Variants in SLC25A24 observed in about 807,000 individuals in gnomAD.
SLC25A24 encodes mitochondrial adenyl nucleotide antiporter SLC25A24.
Under a neutral mutation model 60.7 loss-of-function variants are expected in SLC25A24, and 49 were observed. The observed-to-expected ratio is 0.81, with a 90% confidence interval of 0.64 to 1.02. SLC25A24 has a LOEUF of 1.02. Ranked by LOEUF, SLC25A24 falls within the 50% of genes least tolerant of loss-of-function variation. The pLI, the probability that SLC25A24 is intolerant of heterozygous loss-of-function variation, is 0.00. For synonymous variants in SLC25A24, 202 were observed against 200.6 expected, an observed-to-expected ratio of 1.01 and a Z score of -0.06; for missense variants, 564 against 586.3, an observed-to-expected ratio of 0.96 and a Z score of 0.39.
Position 108,181,793 on chromosome 1 carries a change from A to C in SLC25A24, c.398+148T>G, listed in dbSNP as rs1571305466. The stretch of plus-strand genomic sequence containing the variant: ...ACACTTTAGATAAATGTACACATAC[A>C]AAATGAATGGGAGGAAAAAAGACAA... On this transcript the variant is annotated intron_variant, in intron 3 of 9. Coordinates refer to ENST00000565488, the MANE Select transcript of SLC25A24 (RefSeq NM_013386.5). 4.6e-6 allele frequency: 3 copies of C among 653,602 alleles called. No homozygotes were observed. The East Asian group carries it at 8.2e-5, about 18-fold the overall frequency. The allele number at this position is 653,602 out of a possible 1,614,324, so 40.5% of individuals were successfully genotyped here. A position where few individuals can be genotyped will look rare whatever the true frequency, so the allele number is the denominator to read the frequency against.
chr1:108,163,713 T>G (rs1095992), intron 3 of SLC25A24, among the ~76,000 whole-genome samples: 113,639 of 147,888 alleles, frequency 0.77, 44,106 homozygotes, highest in African/African-American at 0.88. Flanking sequence ...GGGTTTTCTA[T>G]ATATACAATC....
At chr1:108,160,248 G>C (rs1680029326) in intron 4 of SLC25A24, among the ~76,000 whole-genome samples, 1 of 148,970 alleles carries the variant, frequency 6.7e-6, no homozygotes, top group Non-Finnish European at 1.5e-5. Context: ...GGGGCGGCGG[G>C]GCAGAGGCGC....
At chr1:108,180,031 C>G (rs1647856604) in intron 3 of SLC25A24, among the ~76,000 whole-genome samples, 1 of 152,022 alleles carries the variant, frequency 6.6e-6, no homozygotes, top group African/African-American at 2.4e-5. Flanking sequence ...GAATTGTATA[C>G]TTTAGAAAAG....
intron 1 of SLC25A24, among the ~76,000 whole-genome samples, chr1:108,193,917 G>T (rs1648419825): frequency 7.2e-6 from 1 of 138,888 alleles, no homozygotes. Flanking sequence ...GAACCACAGA[G>T]GGCCCTGGCT....
intron 3 of SLC25A24, among the ~76,000 whole-genome samples, chr1:108,178,819 A>G (rs1647807908): frequency 6.6e-6 from 1 of 152,178 alleles, no homozygotes; most frequent in African/African-American, 2.4e-5. Context: ...TCTCAAAAAA[A>G]AAAACAACAA....
chr1:108,177,319 CA>C (rs201077581), intron 3 of SLC25A24, among the ~76,000 whole-genome samples: 3 of 149,878 alleles, frequency 2.0e-5, no homozygotes, highest in African/African-American at 7.4e-5. Flanking sequence ...CACTTAACCA[CA>C]AAAAAAAGAC....
At chr1:108,169,308 A>G (rs1647360148) in intron 3 of SLC25A24, among the ~76,000 whole-genome samples, 1 of 152,108 alleles carries the variant, frequency 6.6e-6, no homozygotes, top group African/African-American at 2.4e-5. Flanking sequence ...TCTTTGATAT[A>G]AATTTGAGAC....
rs151302681 is a variant in SLC25A24, at chr1:108,179,425, T to C, written c.398+2516A>G. The stretch of plus-strand genomic sequence containing the variant: ...GTATACATATATATATACACATATA[T>C]AAAATGAAATCAATATGTCAAAGAG... On this transcript the variant is annotated intron_variant, in intron 3 of 9. Coordinates refer to ENST00000565488, the MANE Select transcript of SLC25A24 (RefSeq NM_013386.5). Among the ~76,000 whole-genome samples, 100 of 152,226 alleles carry C rather than the reference T, an allele frequency of 6.6e-4. 1 individual carries two copies. The East Asian group carries it at 0.019, about 28-fold the overall frequency.
chr1:108,139,228 GA>G lies in SLC25A24; in HGVS notation c.1099-21del. On this transcript the variant is annotated intron_variant, in intron 8 of 9. Coordinates refer to ENST00000565488, the MANE Select transcript of SLC25A24 (RefSeq NM_013386.5). ...CAAGAGCTGCCAGAGAAATAAAGAA[GA>G]AAATAATTAACGAACTCTACAACTT... 6.3e-7 allele frequency: 1 copy of G among 1,576,100 alleles called. No individual in the cohort carries two copies. The highest frequency in any genetic ancestry group is 8.6e-7 in the Non-Finnish European group (1 of 1,163,920).
chr1:108,171,586 T>G (rs560376046), intron 3 of SLC25A24, among the ~76,000 whole-genome samples: 1 of 152,302 alleles, frequency 6.6e-6, no homozygotes, highest in Non-Finnish European at 1.5e-5. Context: ...AGTAGCATAA[T>G]TCTACTCATT....
At chr1:108,149,797 T>A (rs916261650) in intron 6 of SLC25A24, among the ~76,000 whole-genome samples, 2 of 152,172 alleles carry the variant, frequency 1.3e-5, no homozygotes, top group Non-Finnish European at 1.5e-5. Context: ...TTCCCCTACA[T>A]GATCCATCCC....
At chr1:108,164,106 G>A (rs1298390648) in intron 3 of SLC25A24, among the ~76,000 whole-genome samples, 19 of 152,022 alleles carry the variant, frequency 1.2e-4, no homozygotes, top group East Asian at 1.9e-4. Context: ...ACTGATTTGC[G>A]TATATTGAAC....
chr1:108,157,844 T>C (rs1045377300), intron 4 of SLC25A24, among the ~76,000 whole-genome samples: 7 of 152,218 alleles, frequency 4.6e-5, no homozygotes, highest in African/African-American at 1.7e-4. Flanking sequence ...ATTACAAATA[T>C]ACAAAACCAA....
chr1:108,167,045 C>T (rs967458901), intron 3 of SLC25A24, among the ~76,000 whole-genome samples: 17 of 145,590 alleles, frequency 1.2e-4, no homozygotes, highest in African/African-American at 2.4e-4. Context: ...TTGGAGTAAC[C>T]GGCTGTGTGA....
intron 3 of SLC25A24, among the ~76,000 whole-genome samples, chr1:108,169,360 T>C (rs1329738401): frequency 6.6e-6 from 1 of 152,210 alleles, no homozygotes; most frequent in African/African-American, 2.4e-5. Flanking sequence ...TGGGTTTTTT[T>C]AATGGCATTG....
chr1:108,189,791 G>C (rs1210108650), intron 1 of SLC25A24, among the ~76,000 whole-genome samples: 1 of 149,256 alleles, frequency 6.7e-6, no homozygotes, highest in African/African-American at 2.5e-5. Context: ...ACTCAGCCTG[G>C]GTGACAGAGT....
At chr1:108,170,338 T>C (rs1297261124) in intron 3 of SLC25A24, among the ~76,000 whole-genome samples, 2 of 152,178 alleles carry the variant, frequency 1.3e-5, no homozygotes, top group African/African-American at 4.8e-5. Flanking sequence ...GTTCTTGTGA[T>C]ACCAGTTCTT....
chr1:108,140,462 A>G (rs934205036), intron 8 of SLC25A24, among the ~76,000 whole-genome samples: 14 of 152,156 alleles, frequency 9.2e-5, no homozygotes, highest in Admixed American at 8.5e-4. Flanking sequence ...TCTATGGTAA[A>G]GGTCAATATT....
Position 108,136,645 on chromosome 1 carries a change from A to G in SLC25A24, c.*8T>C, listed in dbSNP as rs1459291536. The stretch of plus-strand genomic sequence containing the variant: ...TTCAATTATCAGGCTAAAGCAAAAA[A>G]TGCAACATCATTTCTGGGTTACTCC... On this transcript the variant is annotated 3_prime_UTR_variant, in exon 10 of 10. Coordinates refer to ENST00000565488, the MANE Select transcript of SLC25A24 (RefSeq NM_013386.5). 1.2e-6 allele frequency: 2 copies of G among 1,608,552 alleles called. No homozygotes were observed. The highest frequency in any genetic ancestry group is 1.7e-6 in the Non-Finnish European group (2 of 1,176,248).
Sources: allele counts gnomAD v4.1 joint callset (sites outside exome capture counted in the v4.1 genomes callset), GRCh38; gene constraint gnomAD v4.1.1; transcripts MANE v1.5; gene names NCBI Gene and HGNC (gene_info 2026-07-23, HGNC 2026-07-21).